DTNBP1: variants seen among roughly 807,000 people sequenced by gnomAD.
The protein encoded by DTNBP1 is dysbindin.
Under a neutral mutation model 42.8 loss-of-function variants are expected in DTNBP1, and 35 were observed. The ratio of observed to expected loss-of-function variants is 0.82; its 90% CI spans 0.63 to 1.09. The LOEUF is 1.09. DTNBP1 is among the 50% of genes least tolerant of loss of function. The probability of loss-of-function intolerance (pLI) is 0.00; values close to 1 mark genes in which losing one functional copy is unlikely to be tolerated. For missense variants in DTNBP1, 457 were observed against 424.2 expected (o/e 1.08, Z -0.68); for synonymous variants, 171 against 162.2 (o/e 1.05, Z -0.41).
At chr6:15,602,676 A>G (rs1199749630) in intron 6 of DTNBP1, among the ~76,000 whole-genome samples, 1 of 152,218 alleles carries the variant, frequency 6.6e-6, no homozygotes, top group Non-Finnish European at 1.5e-5. Context: ...ACTATAATCA[A>G]TCTAACTTTG....
At position 15,523,119 on chromosome 6, in the gene DTNBP1, G is replaced by A. The variant is rs369336375; in HGVS notation, c.912C>T (p.Asp304=). The change falls in exon 10 of 10, where the codon GAC becomes GAT. Residue 304 remains aspartate (D), a synonymous_variant. Transcript: ENST00000344537. ...KPPSSSSTCT[D]SATRDISEGG... is the part of the protein sequence containing the mutation. The stretch of plus-strand genomic sequence containing the variant: ...CCTCACTGATGTCCCGGGTGGCCGA[G>A]TCGGTGCAGGTGGAGGAAGAAGAAG... 5.0e-6 allele frequency: 8 copies of A among 1,614,120 alleles called. No individual in the cohort carries two copies. In the African/African-American group the frequency reaches 1.1e-4, roughly 22 times the overall value.
chr6:15,647,817 T>A (rs998414623), intron 3 of DTNBP1, among the ~76,000 whole-genome samples: 1 of 151,902 alleles, frequency 6.6e-6, no homozygotes, highest in African/African-American at 2.4e-5. Context: ...CACTGGTGAA[T>A]TCTACCAAAC....
At chr6:15,528,457 A>C (rs1165351196) in intron 8 of DTNBP1, among the ~76,000 whole-genome samples, 1 of 152,182 alleles carries the variant, frequency 6.6e-6, no homozygotes, top group East Asian at 1.9e-4. Flanking sequence ...AAGTGTCCCC[A>C]GCTGAGAACC....
intron 7 of DTNBP1, among the ~76,000 whole-genome samples, chr6:15,568,709 C>A (rs1197555593): frequency 6.6e-6 from 1 of 152,190 alleles, no homozygotes; most frequent in African/African-American, 2.4e-5. Flanking sequence ...TCCACTTCCA[C>A]TTAATGAATA....
At chr6:15,625,283 A>C (rs1045150692) in intron 5 of DTNBP1, among the ~76,000 whole-genome samples, 2 of 152,228 alleles carry the variant, frequency 1.3e-5, no homozygotes, top group Non-Finnish European at 1.5e-5. Flanking sequence ...TCTAAAAAAA[A>C]CTGAACTAAC....
At chr6:15,590,416 C>T (rs1007589430) in intron 7 of DTNBP1, among the ~76,000 whole-genome samples, 1 of 152,048 alleles carries the variant, frequency 6.6e-6, no homozygotes, top group Non-Finnish European at 1.5e-5. Context: ...GTTTTTTTGT[C>T]ACTACGTTGC....
intron 3 of DTNBP1, among the ~76,000 whole-genome samples, chr6:15,638,402 G>A (rs1760149576): frequency 6.6e-6 from 1 of 152,112 alleles, no homozygotes; most frequent in Admixed American, 6.5e-5. Flanking sequence ...ACAGGCATGA[G>A]CCACTGTGCC....
chr6:15,659,555 CTTTT>C (rs5874523), intron 1 of DTNBP1, among the ~76,000 whole-genome samples: 2 of 116,580 alleles, frequency 1.7e-5, no homozygotes, highest in African/African-American at 3.6e-5. Context: ...GGGTTTCTTT[CTTTT>C]TTTTTTTTTT....
At chr6:15,611,588 G>A (rs1337993370) in intron 6 of DTNBP1, among the ~76,000 whole-genome samples, 2 of 152,200 alleles carry the variant, frequency 1.3e-5, no homozygotes, top group African/African-American at 4.8e-5. Flanking sequence ...CCTCTGGAAA[G>A]GGTTAACTAT....
At chr6:15,550,843 C>T (rs1774173864) in intron 7 of DTNBP1, among the ~76,000 whole-genome samples, 1 of 152,122 alleles carries the variant, frequency 6.6e-6, no homozygotes, top group Non-Finnish European at 1.5e-5. Context: ...GGAAGATGGA[C>T]CTGGAGAAGT....
intron 7 of DTNBP1, among the ~76,000 whole-genome samples, chr6:15,536,697 A>C (rs1314764794): frequency 1.3e-5 from 2 of 152,160 alleles, no homozygotes; most frequent in Non-Finnish European, 2.9e-5. Flanking sequence ...CTGCCCCACC[A>C]CCTCCACAGA....
At chr6:15,565,932 C>G (rs1218933734) in intron 7 of DTNBP1, among the ~76,000 whole-genome samples, 1 of 152,196 alleles carries the variant, frequency 6.6e-6, no homozygotes, top group Non-Finnish European at 1.5e-5. Flanking sequence ...ATTAAACATT[C>G]AGAGGAGAAA....
chr6:15,573,925 T>C (rs1775450820), intron 7 of DTNBP1, among the ~76,000 whole-genome samples: 1 of 152,134 alleles, frequency 6.6e-6, no homozygotes, highest in East Asian at 1.9e-4. Flanking sequence ...CACGCTGGTC[T>C]TCAACTCCTG....
intron 5 of DTNBP1, among the ~76,000 whole-genome samples, chr6:15,617,359 GA>G (rs1012883942): frequency 8.0e-5 from 12 of 149,098 alleles, no homozygotes; most frequent in East Asian, 7.8e-4. Context: ...CACAGAAATA[GA>G]AAAAAAAAAT....
intron 6 of DTNBP1, among the ~76,000 whole-genome samples, chr6:15,602,809 C>T (rs1426301460): frequency 1.3e-5 from 2 of 152,198 alleles, no homozygotes; most frequent in East Asian, 1.9e-4. Flanking sequence ...CAAAGATACA[C>T]TTTAGGTTTT....
intron 6 of DTNBP1, among the ~76,000 whole-genome samples, chr6:15,600,687 A>G (rs1017174429): frequency 2.6e-5 from 4 of 152,188 alleles, no homozygotes; most frequent in African/African-American, 9.7e-5. Flanking sequence ...AGAGTCAGGA[A>G]ATATTGGGCT....
At chr6:15,620,915 G>A (rs758093811) in intron 5 of DTNBP1, among the ~76,000 whole-genome samples, 27 of 152,124 alleles carry the variant, frequency 1.8e-4, no homozygotes, top group Non-Finnish European at 3.2e-4. Flanking sequence ...TAAATGAGCC[G>A]AAGTACCTAA....
At chr6:15,532,775 T>C (rs1194533196) in intron 8 of DTNBP1, among the ~76,000 whole-genome samples, 1 of 140,006 alleles carries the variant, frequency 7.1e-6, no homozygotes, top group Non-Finnish European at 1.5e-5. Flanking sequence ...TCTCGGCTCA[T>C]GGCAACCTCC....
intron 6 of DTNBP1, among the ~76,000 whole-genome samples, chr6:15,610,329 G>T (rs1758322861): frequency 6.6e-6 from 1 of 152,154 alleles, no homozygotes; most frequent in Non-Finnish European, 1.5e-5. Context: ...CATAAATGTT[G>T]TATGTGTTCT....
Sources: allele counts gnomAD v4.1 joint callset (sites outside exome capture counted in the v4.1 genomes callset), GRCh38; gene constraint gnomAD v4.1.1; transcripts MANE v1.5; gene names NCBI Gene and HGNC (gene_info 2026-07-23, HGNC 2026-07-21).